CNTN4: variants seen among roughly 807,000 people sequenced by gnomAD.
CNTN4 encodes the protein contactin 4.
A neutral mutation model predicts 122.5 loss-of-function variants in CNTN4; 77 were observed. The ratio of observed to expected loss-of-function variants is 0.63; its 90% CI spans 0.52 to 0.76. The LOEUF (loss-of-function observed/expected upper bound fraction) is 0.76, where lower values mean the gene tolerates loss of function less well. Ranked by LOEUF, CNTN4 falls within the 30% of genes least tolerant of loss-of-function variation. The pLI is 0.00. For synonymous variants in CNTN4, 512 were observed against 447.0 expected, an observed-to-expected ratio of 1.15 and a Z score of -1.83; for missense variants, 1,256 against 1,259.1, an observed-to-expected ratio of 1.00 and a Z score of 0.04.
intron 13 of CNTN4, among the ~76,000 whole-genome samples, chr3:2,983,642 T>C (rs1167729709): frequency 6.6e-6 from 1 of 152,186 alleles, no homozygotes; most frequent in East Asian, 1.9e-4. Flanking sequence ...ACTTTTATTA[T>C]CCCATTTTTA....
chr3:2,203,375 T>A (rs2149399282), intron 2 of CNTN4, among the ~76,000 whole-genome samples: 1 of 152,288 alleles, frequency 6.6e-6, no homozygotes, highest in Non-Finnish European at 1.5e-5. Flanking sequence ...AATGGGGTGC[T>A]ACTATGATGT....
intron 3 of CNTN4, among the ~76,000 whole-genome samples, chr3:2,547,465 C>A (rs553348131): frequency 6.6e-6 from 1 of 152,098 alleles, no homozygotes; most frequent in Admixed American, 6.5e-5. Flanking sequence ...GGGGTTTCGC[C>A]ATGTTGGCCA....
intron 6 of CNTN4, among the ~76,000 whole-genome samples, chr3:2,769,010 G>T (rs181250628): frequency 5.3e-5 from 8 of 152,222 alleles, no homozygotes; most frequent in Admixed American, 5.2e-4. Flanking sequence ...TTAAAATGGG[G>T]TCCACCCTGA....
chr3:2,823,158 C>T (rs577580551), intron 7 of CNTN4, among the ~76,000 whole-genome samples: 3 of 152,156 alleles, frequency 2.0e-5, no homozygotes, highest in South Asian at 2.1e-4. Context: ...CACCCTAAAG[C>T]GAGAAGAATC....
chr3:2,458,281 G>A (rs756863854), intron 3 of CNTN4, among the ~76,000 whole-genome samples: 4 of 152,214 alleles, frequency 2.6e-5, no homozygotes, highest in Admixed American at 6.5e-5. Context: ...TATACCATTA[G>A]AAGTTAATAT....
chr3:2,753,212 G>C (rs2090175303), intron 6 of CNTN4, among the ~76,000 whole-genome samples: 1 of 152,128 alleles, frequency 6.6e-6, no homozygotes, highest in South Asian at 2.1e-4. Context: ...ACAAGCCCTG[G>C]AGTCAGACTC....
intron 2 of CNTN4, among the ~76,000 whole-genome samples, chr3:2,269,281 C>T (rs1050751079): frequency 2.6e-5 from 4 of 152,090 alleles, no homozygotes; most frequent in African/African-American, 9.7e-5. Flanking sequence ...AGGGATGTTT[C>T]TGGTATGTGG....
chr3:3,019,661 C>CAT (rs1012080127), intron 14 of CNTN4, among the ~76,000 whole-genome samples: 22 of 149,818 alleles, frequency 1.5e-4, no homozygotes, highest in Admixed American at 6.0e-4. Context: ...CAAACACCAC[C>CAT]ATATATATAT....
chr3:2,893,095 CTTTCTAT>C (rs1664203635), intron 10 of CNTN4, among the ~76,000 whole-genome samples: 1 of 152,136 alleles, frequency 6.6e-6, no homozygotes, highest in South Asian at 2.1e-4. Context: ...GACTTTTTCA[CTTTCTAT>C]TTTCTAAGTT....
chr3:2,423,666 A>C (rs1423311024), intron 3 of CNTN4, among the ~76,000 whole-genome samples: 1 of 152,028 alleles, frequency 6.6e-6, no homozygotes, highest in Admixed American at 6.6e-5. Flanking sequence ...AGTTTTGATG[A>C]CTTGGATAAT....
chr3:2,410,272 C>G (rs1285371459), intron 3 of CNTN4, among the ~76,000 whole-genome samples: 1 of 152,202 alleles, frequency 6.6e-6, no homozygotes, highest in Non-Finnish European at 1.5e-5. Context: ...ACTCATCCTT[C>G]TCACAACATT....
chr3:3,012,668 A>T (rs1417524020), intron 14 of CNTN4, among the ~76,000 whole-genome samples: 2 of 152,014 alleles, frequency 1.3e-5, no homozygotes, highest in African/African-American at 4.8e-5. Context: ...CCAGACTTCT[A>T]TTCTCAAAAC....
rs540580268 is a variant in CNTN4, at chr3:2,984,875, G to T, written c.1359-3470G>T. Among the ~76,000 whole-genome samples, 62 of 152,320 alleles carry T rather than the reference G, an allele frequency of 4.1e-4. 2 individuals carry two copies. The highest frequency in any genetic ancestry group is 6.8e-3 in the Middle Eastern group (2 of 294). On this transcript the variant is annotated intron_variant, in intron 13 of 24. Transcript: ENST00000418658. ...TTACATATTGAATTCTCATATGCCA[G>T]TGTTTCACAATTTCTAGCAAATTAT...
In CNTN4 at chr3:2,731,781, C is replaced by T. The variant is rs1398161456; in HGVS notation, c.56-4434C>T. On this transcript the variant is annotated intron_variant, in intron 4 of 24. Transcript: ENST00000418658. ...CACTCAAATAAGAAGACATTCATTACTTATAAATAAATGGTAGTGGTTACA... is the reference window on the plus strand; with the variant it reads ...CACTCAAATAAGAAGACATTCATTATTTATAAATAAATGGTAGTGGTTACA... 3.3e-5 allele frequency among the ~76,000 whole-genome samples: 5 copies of T among 152,318 alleles called. No homozygotes were observed. The South Asian group carries it at 6.2e-4, about 19-fold the overall frequency.
At chr3:3,054,044 G>GAAAT (rs1427060184) in intron 24 of CNTN4, 69 bp downstream of exon 24, 8 of 1,509,942 alleles carry the variant, frequency 5.3e-6, no homozygotes, top group Non-Finnish European at 4.6e-6. Context: ...GATGAGTCAG[G>GAAAT]GCTTGAAAGA....
chr3:2,293,546 A>G (rs2042205543), intron 2 of CNTN4, among the ~76,000 whole-genome samples: 7 of 152,174 alleles, frequency 4.6e-5, no homozygotes, highest in Admixed American at 4.6e-4. Context: ...TACAATGGGA[A>G]TAATGCAGCA....
At chr3:2,347,136 A>C (rs1666331) in intron 3 of CNTN4, among the ~76,000 whole-genome samples, 1 of 151,944 alleles carries the variant, frequency 6.6e-6, no homozygotes, top group Non-Finnish European at 1.5e-5. Context: ...TGGCTAGTTC[A>C]TGCTGCATTA....
intron 2 of CNTN4, among the ~76,000 whole-genome samples, chr3:2,173,396 C>T (rs2036599710): frequency 6.6e-6 from 1 of 152,160 alleles, no homozygotes; most frequent in Non-Finnish European, 1.5e-5. Flanking sequence ...TTTTTCATCC[C>T]ATAATGTAAT....
At chr3:2,114,622 G>C (rs2033214154) in intron 2 of CNTN4, among the ~76,000 whole-genome samples, 1 of 152,140 alleles carries the variant, frequency 6.6e-6, no homozygotes, top group Non-Finnish European at 1.5e-5. Context: ...TCATAGACTA[G>C]AATGTGAATG....
Sources: gnomAD v4.1 joint callset for allele counts (sites outside exome capture counted in the v4.1 genomes callset) on GRCh38, gnomAD v4.1.1 for gene constraint, MANE v1.5 for transcripts, NCBI Gene and HGNC (gene_info 2026-07-23, HGNC 2026-07-21) for gene names.